HTR6: variants seen among roughly 807,000 people sequenced by gnomAD.
The protein encoded by HTR6 is 5-hydroxytryptamine (serotonin) receptor 6, G protein-coupled.
A neutral mutation model predicts 17.4 loss-of-function variants in HTR6; 15 were observed. That is an observed-to-expected ratio of 0.86 (90% CI 0.58 to 1.33). The LOEUF is 1.33. HTR6 is among the 40% of genes most tolerant of loss of function. HTR6 has a pLI of 0.00. For missense variants in HTR6, 578 were observed against 616.0 expected (o/e 0.94, Z 0.65); for synonymous variants, 326 against 295.5 (o/e 1.10, Z -1.06).
At chr1:19,677,186 ATTTACAAGCC>A (rs1348683009) in intron 1 of HTR6, among the ~76,000 whole-genome samples, 1 of 151,396 alleles carries the variant, frequency 6.6e-6, no homozygotes, top group African/African-American at 2.4e-5. Context: ...GTGTGTAAAA[ATTTACAAGCC>A]TTTTATTTTC....
At position 19,678,746 on chromosome 1, in the gene HTR6, A is replaced by G. The variant is rs1056343558; in HGVS notation, c.873+21A>G. 8.8e-6 allele frequency: 14 copies of G among 1,599,486 alleles called. No individual in the cohort carries two copies. The African/African-American group carries it at 1.7e-4, about 20-fold the overall frequency. ...TCCAGGTAATGCCACGGCAGGGGGC[A>G]GGTGAGTCCGGCCCTTGCAGGAGAG... On this transcript the variant is annotated intron_variant, in intron 2 of 2. Coordinates refer to ENST00000289753, the MANE Select transcript of HTR6 (RefSeq NM_000871.3).
intron 1 of HTR6, among the ~76,000 whole-genome samples, chr1:19,673,089 T>A (rs1389503391): frequency 6.6e-6 from 1 of 152,186 alleles, no homozygotes; most frequent in Non-Finnish European, 1.5e-5. Flanking sequence ...ACATCACTGC[T>A]GTCACCAGCA....
At chr1:19,677,339 G>A (rs568791917) in intron 1 of HTR6, among the ~76,000 whole-genome samples, 1 of 152,186 alleles carries the variant, frequency 6.6e-6, no homozygotes, top group African/African-American at 2.4e-5. Flanking sequence ...CTTTGGGACT[G>A]TGGGGGCCAG....
At chr1:19,678,104 G>A (rs1186907648) in intron 1 of HTR6, among the ~76,000 whole-genome samples, 1 of 152,210 alleles carries the variant, frequency 6.6e-6, no homozygotes, top group Non-Finnish European at 1.5e-5. Context: ...TAATGTGTGT[G>A]TTGGCCTGTG....
In HTR6 at chr1:19,665,995, C is replaced by T. The variant is rs2095081049; in HGVS notation, c.242C>T (p.Pro81Leu). 3 of 1,613,784 alleles carry T rather than the reference C, an allele frequency of 1.9e-6. No individual in the cohort carries two copies. Among genetic ancestry groups the T allele is most frequent in the African/African-American group, 1.3e-5 (1 of 74,936 alleles). Reference sequence around the variant, plus strand: ...CTGATGGTGGGGCTGGTGGTGATGCCGCCGGCCATGCTGAACGCGCTGTAC... The same window carrying T: ...CTGATGGTGGGGCTGGTGGTGATGCTGCCGGCCATGCTGAACGCGCTGTAC... ...SDLMVGLVVM[P>L]PAMLNALYGR... Residue 81 changes from proline (P) to leucine (L), a missense_variant, in exon 1 of 3, where the codon CCG (proline) becomes CTG (leucine). By Grantham distance (98) the Pro-to-Leu change is moderately conservative. Transcript: ENST00000289753. The surrounding 1 kb of genome is among the most constrained non-coding windows in gnomAD (Gnocchi z 4.2).
chr1:19,676,912 C>T (rs1461566645), intron 1 of HTR6, among the ~76,000 whole-genome samples: 3 of 152,222 alleles, frequency 2.0e-5, no homozygotes, highest in Non-Finnish European at 4.4e-5. Context: ...ATTCACAGAC[C>T]GCAAACACAC....
At position 19,678,957 on chromosome 1, in the gene HTR6, C is replaced by T. The variant is rs1466807976; in HGVS notation, c.912C>T (p.Val304=). The change falls in exon 3 of 3, where the codon GTC becomes GTT. Residue 304 remains valine, a synonymous_variant. Coordinates refer to ENST00000289753, the MANE Select transcript of HTR6 (RefSeq NM_000871.3). ...CDCISPGLFD[V]LTWLGYCNST... Reference sequence around the variant, plus strand: ...GCATCTCCCCAGGCCTCTTCGATGTCCTCACATGGCTGGGTTACTGTAACA... The same window carrying T: ...GCATCTCCCCAGGCCTCTTCGATGTTCTCACATGGCTGGGTTACTGTAACA... 3 of 1,613,708 alleles carry T rather than the reference C, an allele frequency of 1.9e-6. No homozygotes were observed. The East Asian group carries it at 6.7e-5, about 36-fold the overall frequency.
intron 1 of HTR6, among the ~76,000 whole-genome samples, chr1:19,667,623 C>T (rs1022567764): frequency 3.9e-5 from 6 of 152,106 alleles, no homozygotes; most frequent in African/African-American, 1.4e-4. Flanking sequence ...ACCATATTGG[C>T]CAGGTTGGTC....
intron 1 of HTR6, among the ~76,000 whole-genome samples, chr1:19,669,745 C>T (rs2095085608): frequency 6.6e-6 from 1 of 152,196 alleles, no homozygotes; most frequent in South Asian, 2.1e-4. Context: ...ATACCACCCA[C>T]ACGCTGATGA....
intron 1 of HTR6, among the ~76,000 whole-genome samples, chr1:19,677,907 T>C (rs1218496961): frequency 6.6e-6 from 1 of 152,176 alleles, no homozygotes; most frequent in Non-Finnish European, 1.5e-5. Flanking sequence ...GCCTGGCTAA[T>C]TTTTGTATTT....
chr1:19,668,040 A>G (rs1322019287), intron 1 of HTR6, among the ~76,000 whole-genome samples: 1 of 152,200 alleles, frequency 6.6e-6, no homozygotes, highest in Non-Finnish European at 1.5e-5. Context: ...CAGGTGGGTG[A>G]GGCCCAAAGT....
intron 1 of HTR6, among the ~76,000 whole-genome samples, chr1:19,670,963 G>A (rs780385577): frequency 1.3e-5 from 2 of 152,020 alleles, no homozygotes; most frequent in South Asian, 2.1e-4. Flanking sequence ...ACTTTTTATC[G>A]TGTGAATTCA....
intron 1 of HTR6, among the ~76,000 whole-genome samples, chr1:19,675,879 T>G (rs902855140): frequency 5.9e-5 from 9 of 152,140 alleles, no homozygotes; most frequent in African/African-American, 1.9e-4. Context: ...GAGTCCACTC[T>G]GGAGGAGAGA....
rs1417575859 is a variant in HTR6 at position 19,665,064 on chromosome 1, C to A, written c.-690C>A. On this transcript the variant is annotated 5_prime_UTR_variant, in exon 1 of 3. Transcript: ENST00000289753. The surrounding 1 kb of genome is among the most constrained non-coding windows in gnomAD (Gnocchi z 4.2). The stretch of plus-strand genomic sequence containing the variant: ...AGTGCGGGCGGGAGACGGAGGCGAC[C>A]CTGCTGCCGGGTGGGGAGGGGGCGC... Among the ~76,000 whole-genome samples the A allele has an allele frequency of 6.6e-6, 1 of 151,518 alleles. No homozygotes were observed. The highest frequency in any genetic ancestry group is 1.5e-5 in the Non-Finnish European group (1 of 67,806).
At chr1:19,669,523 T>C (rs969489222) in intron 1 of HTR6, among the ~76,000 whole-genome samples, 1 of 152,184 alleles carries the variant, frequency 6.6e-6, no homozygotes, top group African/African-American at 2.4e-5. Flanking sequence ...CGCCCTGTGC[T>C]GGTGTGCTGC....
At position 19,679,361 on chromosome 1, in the gene HTR6, C is replaced by T. The variant is rs61733142; in HGVS notation, c.1316C>T (p.Thr439Met). Reference protein sequence around the residue: ...ELRPHPLGIPTN With the variant: ...ELRPHPLGIPMN ...CGGCCGCATCCACTTGGCATCCCCA[C>T]GAACTGACCCGGGCTTGGGGCTGGC... Residue 439 changes from threonine (T) to methionine (M), a missense_variant, in exon 3 of 3, where the codon ACG becomes ATG. By Grantham distance (81) the Thr-to-Met change is moderately conservative. Transcript: ENST00000289753. The surrounding 1 kb of genome is among the most constrained non-coding windows in gnomAD (Gnocchi z 4.9). The T allele has an allele frequency of 2.8e-4, 440 of 1,586,880 alleles. No individual in the cohort carries two copies. The African/African-American group carries it at 4.3e-3, about 16-fold the overall frequency.
chr1:19,676,521 A>G (rs554427464), intron 1 of HTR6, among the ~76,000 whole-genome samples: 1 of 152,316 alleles, frequency 6.6e-6, no homozygotes, highest in African/African-American at 2.4e-5. Flanking sequence ...CTGCCCCAGC[A>G]ACCTCCTTGC....
Position 19,666,053 on chromosome 1 carries a change from G to C in HTR6, c.300G>C (p.Leu100=). ...GRWVLARGLC[L]LWTAFDVMCC... is the part of the protein sequence containing the mutation. The stretch of plus-strand genomic sequence containing the variant: ...GGGTGCTGGCGCGCGGCCTCTGCCT[G>C]CTCTGGACCGCCTTCGACGTGATGT... Residue 100 remains leucine (L), a synonymous_variant, in exon 1 of 3, where the codon CTG becomes CTC. Coordinates refer to ENST00000289753, the MANE Select transcript of HTR6 (RefSeq NM_000871.3). This position sits in a 1 kb window ranked among gnomAD's most constrained non-coding sequence, Gnocchi z 4.5. The C allele has an allele frequency of 6.2e-7, 1 of 1,613,296 alleles. No homozygotes were observed. The highest frequency in any genetic ancestry group is 8.5e-7 in the Non-Finnish European group (1 of 1,179,794).
chr1:19,665,816 G>A lies in HTR6; in HGVS notation c.63G>A (p.Ser21=), dbSNP rs1267415253. Reference sequence around the variant, plus strand: ...CGGCCTGGGGGGCAGGGCCGCCGTCGGCCCCGGGGGGCAGCGGCTGGGTGG... The same window carrying A: ...CGGCCTGGGGGGCAGGGCCGCCGTCAGCCCCGGGGGGCAGCGGCTGGGTGG... ...STPAWGAGPP[S]APGGSGWVAA... The change falls in exon 1 of 3, where the codon TCG becomes TCA. Residue 21 remains serine, a synonymous_variant. Transcript: ENST00000289753. The surrounding 1 kb of genome is among the most constrained non-coding windows in gnomAD (Gnocchi z 4.2). 3.3e-6 allele frequency: 5 copies of A among 1,530,172 alleles called. No homozygotes were observed. The highest frequency in any genetic ancestry group is 1.3e-5 in the South Asian group (1 of 77,356). 94.8% of individuals were successfully genotyped at this position (1,530,172 alleles called of 1,614,324 possible).
Sources: gnomAD v4.1 joint callset for allele counts (sites outside exome capture counted in the v4.1 genomes callset) on GRCh38, gnomAD v4.1.1 for gene constraint, Gnocchi (gnomAD v3.1) non-coding constraint, MANE v1.5 for transcripts, NCBI Gene and HGNC (gene_info 2026-07-23, HGNC 2026-07-21) for gene names.